The following HMGCLL1 variants were observed in gnomAD, a reference collection of about 807,000 sequenced individuals.
HMGCLL1 encodes 3-hydroxymethyl-3-methylglutaryl-CoA lyase, cytoplasmic.
HMGCLL1 carries 36 observed loss-of-function variants against 39.1 expected under a neutral mutation model. That is an observed-to-expected ratio of 0.92 (90% CI 0.71 to 1.22). The LOEUF (loss-of-function observed/expected upper bound fraction) is 1.22. Among genes scored for constraint, HMGCLL1 ranks in the 50% most tolerant of loss-of-function variants. The pLI is 0.00. For synonymous variants in HMGCLL1, 149 were observed against 144.0 expected, an observed-to-expected ratio of 1.03 and a Z score of -0.25; for missense variants, 451 against 416.5, an observed-to-expected ratio of 1.08 and a Z score of -0.72.
the HMGCLL1 span, among the ~76,000 whole-genome samples, chr6:55,584,792 G>A: frequency 6.6e-6 from 1 of 152,012 alleles, no homozygotes. Context: ...AAACTGACAT[G>A]TAGCCAAGAT....
chr6:55,555,925 T>C (rs1310329649), intron 1 of HMGCLL1, among the ~76,000 whole-genome samples: 1 of 152,140 alleles, frequency 6.6e-6, no homozygotes, highest in Non-Finnish European at 1.5e-5. Context: ...GGGGGTTCTT[T>C]TGGGCAGGAT....
the HMGCLL1 span, among the ~76,000 whole-genome samples, chr6:55,651,385 G>A: frequency 5.3e-5 from 8 of 152,056 alleles, no homozygotes; most frequent in Non-Finnish European, 1.0e-4. Context: ...TTACCTATAA[G>A]CTAGGGACCA....
At chr6:55,662,717 C>T in the HMGCLL1 span, among the ~76,000 whole-genome samples, 3 of 151,804 alleles carry the variant, frequency 2.0e-5, no homozygotes, top group Non-Finnish European at 2.9e-5. Context: ...GGAGGAGTCC[C>T]TCCTCCTCAG....
At chr6:55,558,231 T>C (rs1770769659) in intron 1 of HMGCLL1, among the ~76,000 whole-genome samples, 1 of 152,190 alleles carries the variant, frequency 6.6e-6, no homozygotes. Flanking sequence ...TTATTTAACA[T>C]AGGATTAAGT....
At chr6:55,463,261 A>C (rs1326330850) in intron 7 of HMGCLL1, among the ~76,000 whole-genome samples, 1 of 151,584 alleles carries the variant, frequency 6.6e-6, no homozygotes, top group Non-Finnish European at 1.5e-5. Context: ...CGAACTCCTG[A>C]CCTCAGGCAA....
the HMGCLL1 span, among the ~76,000 whole-genome samples, chr6:55,647,769 A>AT: frequency 0.03 from 2,242 of 74,616 alleles, 45 homozygotes; most frequent in African/African-American, 0.094. Flanking sequence ...ATTTTATTTT[A>AT]TTTTTTTTTT....
the HMGCLL1 span, among the ~76,000 whole-genome samples, chr6:55,655,554 AG>A: frequency 2.0e-5 from 3 of 151,624 alleles, no homozygotes; most frequent in African/African-American, 7.3e-5. Flanking sequence ...ATAGATAGAT[AG>A]ATAGATAGAT....
At chr6:55,627,881 T>TATATATATATATATAG in the HMGCLL1 span, among the ~76,000 whole-genome samples, 1 of 43,486 alleles carries the variant, frequency 2.3e-5, no homozygotes, top group African/African-American at 9.8e-5. Context: ...ATAAACTCCC[T>TATATATATATATATAG]TATATATATA....
intron 3 of HMGCLL1, among the ~76,000 whole-genome samples, chr6:55,538,833 CAT>C (rs554546305): frequency 6.2e-4 from 93 of 150,318 alleles, no homozygotes; most frequent in African/African-American, 2.2e-3. Context: ...AATATATACA[CAT>C]ACACACACAC....
chr6:55,461,810 T>C (rs986935614), intron 7 of HMGCLL1, among the ~76,000 whole-genome samples: 3 of 152,160 alleles, frequency 2.0e-5, no homozygotes, highest in African/African-American at 7.2e-5. Context: ...AAAAAGTGAT[T>C]ACTCTGGATG....
chr6:55,606,893 A>G, the HMGCLL1 span, among the ~76,000 whole-genome samples: 1 of 152,166 alleles, frequency 6.6e-6, no homozygotes, highest in Non-Finnish European at 1.5e-5. Flanking sequence ...AGGAGATATC[A>G]CAGTGAAAGG....
the HMGCLL1 span, among the ~76,000 whole-genome samples, chr6:55,662,166 G>C: frequency 1.3e-5 from 2 of 151,556 alleles, no homozygotes; most frequent in Admixed American, 1.3e-4. Context: ...CTTCCCCTTT[G>C]GATGCCCTCA....
intron 7 of HMGCLL1, among the ~76,000 whole-genome samples, chr6:55,460,809 C>T (rs924232130): frequency 5.3e-5 from 8 of 151,854 alleles, no homozygotes; most frequent in African/African-American, 1.9e-4. Flanking sequence ...AGTTATGCAA[C>T]TTTTTTGGTG....
At chr6:55,592,146 C>T in the HMGCLL1 span, among the ~76,000 whole-genome samples, 2 of 151,900 alleles carry the variant, frequency 1.3e-5, no homozygotes, top group African/African-American at 2.4e-5. Flanking sequence ...GGACAACAGG[C>T]CTAAAGCAAT....
At chr6:55,441,977 T>A (rs546760313) in intron 7 of HMGCLL1, among the ~76,000 whole-genome samples, 1 of 152,070 alleles carries the variant, frequency 6.6e-6, no homozygotes, top group Admixed American at 6.6e-5. Context: ...ATTTTGTACA[T>A]TGTCCTTCAA....
intron 7 of HMGCLL1, among the ~76,000 whole-genome samples, chr6:55,469,015 T>C (rs1387925106): frequency 6.6e-6 from 1 of 151,818 alleles, no homozygotes; most frequent in Admixed American, 6.6e-5. Context: ...TAGGCCTCTA[T>C]TTGATCGTGC....
upstream of HMGCLL1, among the ~76,000 whole-genome samples, chr6:55,579,981 A>C (rs1004007341): frequency 6.6e-6 from 1 of 152,184 alleles, no homozygotes; most frequent in South Asian, 2.1e-4. Context: ...CAGTGGGTTC[A>C]GTGGTTTGCA....
At chr6:55,501,343 C>T (rs963491290) in intron 5 of HMGCLL1, among the ~76,000 whole-genome samples, 2 of 151,854 alleles carry the variant, frequency 1.3e-5, no homozygotes, top group East Asian at 3.9e-4. Context: ...CAGCCATGCC[C>T]ATCTGTTTGC....
At chr6:55,652,735 T>G in the HMGCLL1 span, among the ~76,000 whole-genome samples, 2 of 152,066 alleles carry the variant, frequency 1.3e-5, no homozygotes, top group East Asian at 3.9e-4. Flanking sequence ...TGCAAATCAA[T>G]CTTTTCTGTA....
Sources: gnomAD v4.1 joint callset for allele counts (sites outside exome capture counted in the v4.1 genomes callset) on GRCh38, gnomAD v4.1.1 for gene constraint, MANE v1.5 for transcripts, NCBI Gene and HGNC (gene_info 2026-07-23, HGNC 2026-07-21) for gene names.